Variants in RYR2 observed in about 807,000 individuals in gnomAD.
The protein encoded by RYR2 is cardiac muscle ryanodine receptor-calcium release channel.
RYR2 carries 227 observed loss-of-function variants against 601.1 expected under a neutral mutation model. That is an observed-to-expected ratio of 0.38 (90% confidence interval 0.34 to 0.42). RYR2 has a LOEUF of 0.42. Among genes scored for constraint, RYR2 ranks in the 10% least tolerant of loss-of-function variants. RYR2 has a pLI of 1.00. For missense variants in RYR2, 4,646 were observed against 6,156.5 expected (o/e 0.75, Z 8.21); for synonymous variants, 2,223 against 2,175.1 (o/e 1.02, Z -0.61).
In RYR2 at chr1:237,550,630, C is replaced by T. The variant is rs397516524; in HGVS notation, c.3153C>T (p.Arg1051=). 207 of 1,587,318 alleles carry T rather than the reference C, an allele frequency of 1.3e-4. No individual in the cohort carries two copies. Among genetic ancestry groups the T allele is most frequent in the Non-Finnish European group, 1.6e-4 (185 of 1,166,350 alleles). The change falls in exon 27 of 105, where the codon CGC becomes CGT. Residue 1051 remains arginine (R), a synonymous_variant. Transcript: ENST00000366574. The part of the protein sequence containing the change: ...RTKKSNKDSL[R]EAVRTLLGYG... ...AGAAATCCAACAAGGACAGCCTCCG[C>T]GAGGCTGTGCGCACGCTGCTGGGGT...
intron 1 of RYR2, among the ~76,000 whole-genome samples, chr1:237,141,573 C>T (rs1214601967): frequency 6.6e-6 from 1 of 152,170 alleles, no homozygotes; most frequent in Non-Finnish European, 1.5e-5. Context: ...GGTTCCCCAA[C>T]TGGGAAGATG....
intron 97 of RYR2, among the ~76,000 whole-genome samples, chr1:237,799,115 G>C (rs1659641901): frequency 6.6e-6 from 1 of 152,140 alleles, no homozygotes; most frequent in African/African-American, 2.4e-5. Context: ...AGGTGAACTT[G>C]TTTTTGAACT....
intron 80 of RYR2, among the ~76,000 whole-genome samples, chr1:237,745,337 G>T (rs1477661401): frequency 6.6e-6 from 1 of 151,978 alleles, no homozygotes; most frequent in Non-Finnish European, 1.5e-5. Flanking sequence ...TTTTTATCAC[G>T]AATTATTTCA....
At chr1:237,742,774 A>G (rs539802240) in intron 80 of RYR2, among the ~76,000 whole-genome samples, 17 of 152,302 alleles carry the variant, frequency 1.1e-4, no homozygotes, top group African/African-American at 3.8e-4. Flanking sequence ...CTTCTGCCCA[A>G]TTAGATCACT....
Position 237,495,622 on chromosome 1 carries a change from G to A in RYR2, c.1962-889G>A, listed in dbSNP as rs74792177. 3.6e-3 allele frequency among the ~76,000 whole-genome samples: 542 copies of A among 152,168 alleles called. 4 individuals carry two copies. Among genetic ancestry groups the A allele is most frequent in the African/African-American group, 0.013 (521 of 41,510 alleles). ...TGAGACCTTCATTCATTTCTACCTAGTATTACCATAGGGTATATGTCCACT... is the reference window on the plus strand; with the variant it reads ...TGAGACCTTCATTCATTTCTACCTAATATTACCATAGGGTATATGTCCACT... On this transcript the variant is annotated intron_variant, in intron 19 of 104. Coordinates refer to ENST00000366574, the MANE Select transcript of RYR2 (RefSeq NM_001035.3).
chr1:237,490,121 C>T (rs1663161738), intron 17 of RYR2, among the ~76,000 whole-genome samples: 1 of 152,050 alleles, frequency 6.6e-6, no homozygotes, highest in African/African-American at 2.4e-5. Context: ...ATAGTGGGAG[C>T]TAAACAAGGG....
chr1:237,668,212 T>C (rs1684493189), intron 58 of RYR2, among the ~76,000 whole-genome samples: 1 of 152,188 alleles, frequency 6.6e-6, no homozygotes, highest in Non-Finnish European at 1.5e-5. Flanking sequence ...CTCATCCTGA[T>C]ATCTGAGTTG....
rs1687732209 is a variant in RYR2 at position 237,699,011 on chromosome 1, G to A, written c.9114G>A (p.Gln3038=). The A allele has an allele frequency of 6.5e-7, 1 of 1,532,328 alleles. No homozygotes were observed. The highest frequency in any genetic ancestry group is 8.9e-7 in the Non-Finnish European group (1 of 1,125,306). The allele number at this position is 1,532,328 out of a possible 1,614,324, so 94.9% of individuals were successfully genotyped here. ...SIVNCLHILG[Q]TLDARTVMKT... is the part of the protein sequence containing the mutation. ...TCAACTGTCTTCATATTTTGGGTCAGACTTTGGATGCAAGGTAAATGGATA... is the reference window on the plus strand; with the variant it reads ...TCAACTGTCTTCATATTTTGGGTCAAACTTTGGATGCAAGGTAAATGGATA... Residue 3038 remains glutamine, a synonymous_variant, in exon 64 of 105, where the codon CAG becomes CAA. Coordinates refer to ENST00000366574, the MANE Select transcript of RYR2 (RefSeq NM_001035.3).
chr1:237,434,911 G>C (rs545265470), intron 12 of RYR2, among the ~76,000 whole-genome samples: 1 of 152,002 alleles, frequency 6.6e-6, no homozygotes. Flanking sequence ...AAGTAGCTGG[G>C]ACTATAGGCA....
intron 1 of RYR2, among the ~76,000 whole-genome samples, chr1:237,245,812 C>T (rs191514404): frequency 1.2e-4 from 18 of 152,180 alleles, no homozygotes; most frequent in Admixed American, 7.8e-4. Flanking sequence ...GACAGAGTCT[C>T]GTTCTGTTGC....
Position 237,732,031 on chromosome 1 carries a change from T to A in RYR2, c.10936-15T>A, listed in dbSNP as rs372569768. 30 of 1,554,524 alleles carry A rather than the reference T, an allele frequency of 1.9e-5. No homozygotes were observed. Among genetic ancestry groups the A allele is most frequent in the South Asian group, 1.1e-4 (10 of 87,338 alleles). On this transcript the variant is annotated splice_polypyrimidine_tract_variant and intron_variant, in intron 77 of 104. Transcript: ENST00000366574. ...TTTTTTAATGTGACATTTTATAAAT[T>A]TGACTTTTTTGCAGAAACCTGGGGC...
At chr1:237,793,594 T>A (rs554286978) in intron 94 of RYR2, among the ~76,000 whole-genome samples, 1 of 152,344 alleles carries the variant, frequency 6.6e-6, no homozygotes, top group South Asian at 2.1e-4. Flanking sequence ...TCTTTGAAGT[T>A]TAAAAATGAT....
At chr1:237,373,813 A>C (rs1420693483) in intron 6 of RYR2, among the ~76,000 whole-genome samples, 1 of 152,240 alleles carries the variant, frequency 6.6e-6, no homozygotes, top group Non-Finnish European at 1.5e-5. Flanking sequence ...CTGTGCACCA[A>C]AATAAATTCT....
intron 17 of RYR2, among the ~76,000 whole-genome samples, chr1:237,485,765 G>A (rs9428668): frequency 2.0e-5 from 3 of 151,994 alleles, no homozygotes; most frequent in African/African-American, 4.8e-5. Context: ...ATTGTTGTTT[G>A]TGGGAGGAAG....
chr1:237,293,426 C>T (rs1023397746), intron 2 of RYR2, among the ~76,000 whole-genome samples: 1 of 152,100 alleles, frequency 6.6e-6, no homozygotes, highest in African/African-American at 2.4e-5. Flanking sequence ...AGGCTGGTCT[C>T]GAACTCCTGG....
chr1:237,088,308 C>T (rs2148444577), intron 1 of RYR2, among the ~76,000 whole-genome samples: 2 of 152,262 alleles, frequency 1.3e-5, no homozygotes, highest in South Asian at 4.1e-4. Context: ...CTCCTGTGAC[C>T]ACCACTCATG....
At chr1:237,162,335 C>T (rs1676103416) in intron 1 of RYR2, among the ~76,000 whole-genome samples, 1 of 152,004 alleles carries the variant, frequency 6.6e-6, no homozygotes, top group South Asian at 2.1e-4. Context: ...CATAAGTCAT[C>T]AACAAATCTT....
At chr1:237,453,929 C>A (rs748680345) in intron 14 of RYR2, among the ~76,000 whole-genome samples, 4 of 152,100 alleles carry the variant, frequency 2.6e-5, no homozygotes, top group Non-Finnish European at 4.4e-5. Context: ...AAATTAACAT[C>A]ATTAGAATAT....
intron 1 of RYR2, among the ~76,000 whole-genome samples, chr1:237,102,923 A>G (rs759887496): frequency 6.6e-6 from 1 of 152,242 alleles, no homozygotes; most frequent in Non-Finnish European, 1.5e-5. Flanking sequence ...AAACTTATCA[A>G]AACCATTTAA....
Sources: gnomAD v4.1 joint callset for allele counts (sites outside exome capture counted in the v4.1 genomes callset) on GRCh38, gnomAD v4.1.1 for gene constraint, MANE v1.5 for transcripts, NCBI Gene and HGNC (gene_info 2026-07-23, HGNC 2026-07-21) for gene names.